ADAP2: variants seen among roughly 807,000 people sequenced by gnomAD.
ADAP2 encodes arf-GAP with dual PH domain-containing protein 2.
Under a neutral mutation model 54.9 loss-of-function variants are expected in ADAP2, and 42 were observed. The observed-to-expected ratio is 0.77, with a 90% confidence interval of 0.60 to 0.99. The LOEUF is 0.99. Among genes scored for constraint, ADAP2 ranks in the 50% least tolerant of loss-of-function variants. The pLI is 0.00. For synonymous variants in ADAP2, 177 were observed against 180.1 expected (o/e 0.98, Z 0.14); for missense variants, 429 against 480.4 (o/e 0.89, Z 1.00).
At chr17:30,940,716 T>G (rs985353698) in intron 5 of ADAP2, among the ~76,000 whole-genome samples, 1 of 152,228 alleles carries the variant, frequency 6.6e-6, no homozygotes, top group African/African-American at 2.4e-5. Flanking sequence ...AAAATTGCCC[T>G]TGTTTGATGA....
In ADAP2 at chr17:30,940,309, AT is replaced by A. The variant is rs111307318; in HGVS notation, c.511-4586del. On this transcript the variant is annotated intron_variant, in intron 5 of 10. Coordinates refer to ENST00000330889, the MANE Select transcript of ADAP2 (RefSeq NM_018404.3). ...GAAGAAAGATGGGTACCCTTTACAG[AT>A]TTTTTTTTTTTCGAGATGGAGTCTC... Among the ~76,000 whole-genome samples the A allele has an allele frequency of 1.7e-3, 239 of 143,848 alleles. 1 individual carries two copies. The highest frequency in any genetic ancestry group is 4.6e-3 in the African/African-American group (184 of 39,580). The allele number at this position is 143,848 out of a possible 152,430, so 94.4% of individuals were successfully genotyped here.
chr17:30,926,960 C>T (rs1410892530), intron 3 of ADAP2, 42 bp downstream of exon 3: 1 of 1,450,062 alleles, frequency 6.9e-7, no homozygotes, highest in Non-Finnish European at 9.7e-7. Context: ...GGGGTCTGTC[C>T]TGGTTCCACC....
chr17:30,923,128 G>C, intron 2 of ADAP2, 58 bp downstream of exon 2: 1 of 1,596,840 alleles, frequency 6.3e-7, no homozygotes, highest in Non-Finnish European at 8.5e-7. Flanking sequence ...AGAGGCAGCG[G>C]GCAGGGGGCT....
chr17:30,938,614 G>A (rs1389305063), intron 5 of ADAP2, among the ~76,000 whole-genome samples: 1 of 152,206 alleles, frequency 6.6e-6, no homozygotes, highest in East Asian at 1.9e-4. Context: ...TTTCAGCAAA[G>A]AGAATGTGAA....
intron 3 of ADAP2, among the ~76,000 whole-genome samples, chr17:30,931,008 T>C (rs1457741232): frequency 6.6e-6 from 1 of 152,164 alleles, no homozygotes; most frequent in East Asian, 1.9e-4. Context: ...TTGCTCATGG[T>C]CACACAGTGG....
At chr17:30,936,883 T>C (rs933289706) in intron 5 of ADAP2, among the ~76,000 whole-genome samples, 2 of 152,076 alleles carry the variant, frequency 1.3e-5, no homozygotes, top group Admixed American at 1.3e-4. Flanking sequence ...TGGGAAGAAA[T>C]TGGAGGATTT....
In ADAP2 at chr17:30,925,596, T is replaced by C. The variant is rs550811693; in HGVS notation, c.226-1231T>C. On this transcript the variant is annotated intron_variant, in intron 2 of 10. Coordinates refer to ENST00000330889, the MANE Select transcript of ADAP2 (RefSeq NM_018404.3). ...TTTCTTTTCTTTTCTTTTCTTTCTT[T>C]CTTTTTTTTTTTTGAGACGGAGTCT... Among the ~76,000 whole-genome samples the C allele has an allele frequency of 3.3e-5, 5 of 151,404 alleles. No homozygotes were observed. In the South Asian group the frequency reaches 1.0e-3, roughly 31 times the overall value.
intron 5 of ADAP2, among the ~76,000 whole-genome samples, chr17:30,939,661 C>T (rs1912121649): frequency 6.6e-6 from 1 of 151,408 alleles, no homozygotes; most frequent in South Asian, 2.1e-4. Context: ...GTCGCAGATA[C>T]TCAGGAGGCT....
chr17:30,923,637 G>A lies in ADAP2; in HGVS notation c.225+567G>A, dbSNP rs534561752. 2.8e-5 allele frequency among the ~76,000 whole-genome samples: 4 copies of A among 145,126 alleles called. No homozygotes were observed. In the South Asian group the frequency reaches 8.9e-4, roughly 32 times the overall value. On this transcript the variant is annotated intron_variant, in intron 2 of 10. Coordinates refer to ENST00000330889, the MANE Select transcript of ADAP2 (RefSeq NM_018404.3). ...ACTTTGACCTAGCTGTGGACCCTCAGTTTCCACATCTGTATTCAAGGGATA... is the reference window on the plus strand; with the variant it reads ...ACTTTGACCTAGCTGTGGACCCTCAATTTCCACATCTGTATTCAAGGGATA...
chr17:30,948,361 G>T (rs569256707), intron 6 of ADAP2, among the ~76,000 whole-genome samples: 4 of 151,274 alleles, frequency 2.6e-5, no homozygotes, highest in Non-Finnish European at 5.9e-5. Flanking sequence ...GGCAGATCAC[G>T]AGACCATCCT....
At chr17:30,957,605 A>G (rs897934655) in intron 10 of ADAP2, among the ~76,000 whole-genome samples, 14 of 151,376 alleles carry the variant, frequency 9.2e-5, no homozygotes, top group Admixed American at 8.5e-4. Flanking sequence ...TTTGTTTTGT[A>G]TTTTTGGTAG....
At chr17:30,945,332 G>T (rs1482564403) in intron 6 of ADAP2, among the ~76,000 whole-genome samples, 1 of 152,158 alleles carries the variant, frequency 6.6e-6, no homozygotes, top group Non-Finnish European at 1.5e-5. Flanking sequence ...TATGCCCAGG[G>T]ATGCAAAGCC....
rs555422299 is a variant in ADAP2, at chr17:30,929,442, G to A, written c.318-2447G>A. Among the ~76,000 whole-genome samples the A allele has an allele frequency of 2.0e-5, 3 of 152,268 alleles. No homozygotes were observed. The South Asian group carries it at 6.2e-4, about 32-fold the overall frequency. ...CTCCAAGTGCTCAGTGAACACGTGCGCTGTGCTAGGCTTCCTGCCGGCACT... is the reference window on the plus strand; with the variant it reads ...CTCCAAGTGCTCAGTGAACACGTGCACTGTGCTAGGCTTCCTGCCGGCACT... On this transcript the variant is annotated intron_variant, in intron 3 of 10. Coordinates refer to ENST00000330889, the MANE Select transcript of ADAP2 (RefSeq NM_018404.3).
chr17:30,934,794 G>T (rs1057226620), intron 5 of ADAP2, among the ~76,000 whole-genome samples: 70 of 152,246 alleles, frequency 4.6e-4, no homozygotes, highest in African/African-American at 1.6e-3. Flanking sequence ...ACTTTAGTAA[G>T]AGATTGAGGC....
At chr17:30,956,803 T>G in intron 10 of ADAP2, 1 of 279,358 alleles carries the variant, frequency 3.6e-6, no homozygotes, top group Non-Finnish European at 6.9e-6. Flanking sequence ...TGCTGATCCT[T>G]TTTCTCGTGA....
chr17:30,925,594 TTTC>T (rs1910993632), intron 2 of ADAP2, among the ~76,000 whole-genome samples: 2 of 151,222 alleles, frequency 1.3e-5, no homozygotes. Context: ...CTTTTCTTTC[TTTC>T]TTTTTTTTTT....
intron 4 of ADAP2, 131 bp downstream of exon 4, chr17:30,932,099 G>A (rs1911531931): frequency 2.6e-6 from 2 of 758,838 alleles, no homozygotes; most frequent in South Asian, 1.8e-5. Context: ...AGAGGCCAAG[G>A]TGTGGGTTCT....
intron 5 of ADAP2, among the ~76,000 whole-genome samples, chr17:30,937,605 T>C (rs1293473540): frequency 1.3e-5 from 2 of 152,142 alleles, no homozygotes; most frequent in African/African-American, 4.8e-5. Context: ...GCAGAGAAAT[T>C]AGTCAGGAAG....
chr17:30,956,265 T>G lies in ADAP2; in HGVS notation c.907T>G (p.Phe303Val). 6.2e-7 allele frequency: 1 copy of G among 1,614,160 alleles called. No individual in the cohort carries two copies. The change falls in exon 10 of 11, where the codon TTT becomes GTT. Residue 303 changes from phenylalanine to valine, a missense_variant. Physicochemically the swap from Phe to Val is conservative, Grantham distance 50. Transcript: ENST00000330889. The part of the protein sequence containing the change: ...PLDAFEQGQV[F>V]LGNKEQGYEA... ...GGATGCCTTCGAGCAGGGCCAGGTT[T>G]TTCTTGGGAACAAGGAGCAGGGATA...
Sources: gnomAD v4.1 joint callset for allele counts (sites outside exome capture counted in the v4.1 genomes callset) on GRCh38, gnomAD v4.1.1 for gene constraint, MANE v1.5 for transcripts, NCBI Gene and HGNC (gene_info 2026-07-23, HGNC 2026-07-21) for gene names.